Variants in ABCB11 observed in about 807,000 individuals in gnomAD.
ABCB11 encodes the protein bile salt export pump.
In ABCB11, 95 loss-of-function variants were observed where a neutral mutation model predicts 148.0. The observed-to-expected ratio is 0.64, with a 90% CI of 0.54 to 0.76. The LOEUF is 0.76. Among genes scored for constraint, ABCB11 ranks in the 30% least tolerant of loss-of-function variants. The pLI is 0.00. For missense variants in ABCB11, 1,523 were observed against 1,617.8 expected (o/e 0.94, Z 1.01); for synonymous variants, 591 against 555.4 (o/e 1.06, Z -0.90).
chr2:168,943,642 C>G (rs1286650478), intron 21 of ABCB11, among the ~76,000 whole-genome samples: 1 of 151,958 alleles, frequency 6.6e-6, no homozygotes, highest in Non-Finnish European at 1.5e-5. Flanking sequence ...CAGAAAAAGC[C>G]TAGATGAATT....
chr2:169,006,728 T>C (rs1695030291), intron 5 of ABCB11, among the ~76,000 whole-genome samples: 1 of 151,986 alleles, frequency 6.6e-6, no homozygotes, highest in African/African-American at 2.4e-5. Flanking sequence ...AAAAGATCAA[T>C]ATACAAAAAA....
intron 5 of ABCB11, among the ~76,000 whole-genome samples, chr2:169,010,436 C>T (rs551465350): frequency 6.6e-6 from 1 of 152,176 alleles, no homozygotes; most frequent in East Asian, 1.9e-4. Context: ...AAAATTCCAT[C>T]TACTAGATTA....
At chr2:168,980,004 T>G in intron 10 of ABCB11, 25 bp from the exon 11 acceptor site, 1 of 1,438,900 alleles carries the variant, frequency 6.9e-7, no homozygotes, top group Non-Finnish European at 9.8e-7. Flanking sequence ...GAGAGATTTT[T>G]CATGTGTTTT....
intron 5 of ABCB11, among the ~76,000 whole-genome samples, chr2:169,008,464 T>A (rs556064445): frequency 6.6e-6 from 1 of 152,172 alleles, no homozygotes; most frequent in Non-Finnish European, 1.5e-5. Context: ...CATGACTGCA[T>A]TTAGGGCCCA....
chr2:168,920,168 A>T (rs1691032590), downstream of ABCB11, among the ~76,000 whole-genome samples: 1 of 152,188 alleles, frequency 6.6e-6, no homozygotes, highest in Non-Finnish European at 1.5e-5. Flanking sequence ...GCCCAGTCAC[A>T]TGATTATAAT....
intron 19 of ABCB11, among the ~76,000 whole-genome samples, chr2:168,953,959 T>A (rs1692676892): frequency 6.6e-6 from 1 of 151,676 alleles, no homozygotes; most frequent in African/African-American, 2.4e-5. Flanking sequence ...ACCTTACATA[T>A]GTTGATTGAT....
chr2:169,014,281 T>C, intron 4 of ABCB11, 22 bp downstream of exon 4: 4 of 1,609,204 alleles, frequency 2.5e-6, no homozygotes, highest in Non-Finnish European at 2.6e-6. Context: ...CCCACTGCCA[T>C]AAATCAACAC....
In ABCB11 at chr2:168,921,773, A is replaced by G. The variant is rs570495577; in HGVS notation, c.*1849T>C. ...TGATCGAGTGGGTGCTTGTTGGTTGACAGGTGGGCTTCATAGAAGGGTAAT... is the reference window on the plus strand; with the variant it reads ...TGATCGAGTGGGTGCTTGTTGGTTGGCAGGTGGGCTTCATAGAAGGGTAAT... On this transcript the variant is annotated 3_prime_UTR_variant, in exon 28 of 28. Transcript: ENST00000650372. Among the ~76,000 whole-genome samples, 10 of 151,858 alleles carry G rather than the reference A, an allele frequency of 6.6e-5. No homozygotes were observed. The Middle Eastern group carries it at 0.01, about 158-fold the overall frequency.
At chr2:168,940,725 T>C (rs1440532108) in intron 21 of ABCB11, among the ~76,000 whole-genome samples, 1 of 152,054 alleles carries the variant, frequency 6.6e-6, no homozygotes, top group Non-Finnish European at 1.5e-5. Flanking sequence ...GACTTTCATA[T>C]CTAGAGAGGA....
rs573752059 is a variant in ABCB11 at position 168,939,361 on chromosome 2, CT to C, written c.2611-2929del. Among the ~76,000 whole-genome samples the C allele has an allele frequency of 3.1e-3, 472 of 152,140 alleles. 1 individual carries two copies. Among genetic ancestry groups the C allele is most frequent in the African/African-American group, 0.01 (436 of 41,542 alleles). On this transcript the variant is annotated intron_variant, in intron 21 of 27. Transcript: ENST00000650372. ...CAAAACATTTGCTTACTATTATTTACTATTACTCTCCAAAAAACATTGAAAA... is the reference window on the plus strand; with the variant it reads ...CAAAACATTTGCTTACTATTATTTACATTACTCTCCAAAAAACATTGAAAA...
chr2:168,942,093 A>G, intron 21 of ABCB11, among the ~76,000 whole-genome samples: 1 of 151,994 alleles, frequency 6.6e-6, no homozygotes, highest in East Asian at 1.9e-4. Context: ...AGAGCTTGGA[A>G]AGTCCTTAAG....
rs1050923851 is a variant in ABCB11, at chr2:168,985,840, A to C, written c.1083+270T>G. ...GGATAAAAGACCAGAGCTTGGATTC[A>C]GTGTATACTGCTTGGGTGATGGGTG... On this transcript the variant is annotated intron_variant, in intron 10 of 27. Transcript: ENST00000650372. Among the ~76,000 whole-genome samples the C allele has an allele frequency of 1.5e-4, 23 of 152,224 alleles. 1 individual carries two copies. Among genetic ancestry groups the C allele is most frequent in the Admixed American group, 8.5e-4 (13 of 15,252 alleles).
chr2:168,932,570 G>A, intron 23 of ABCB11, 37 bp from the exon 24 acceptor site: 1 of 1,604,492 alleles, frequency 6.2e-7, no homozygotes, highest in Non-Finnish European at 8.5e-7. Flanking sequence ...AGAGCAGGGT[G>A]GCGTGGTTGG....
At chr2:169,027,876 A>ATTGATCCC in intron 1 of ABCB11, among the ~76,000 whole-genome samples, 1 of 152,246 alleles carries the variant, frequency 6.6e-6, no homozygotes, top group South Asian at 2.1e-4. Flanking sequence ...CAATACTAGC[A>ATTGATCCC]ATTGGCTATT....
intron 18 of ABCB11, 32 bp downstream of exon 18, chr2:168,964,174 C>G: frequency 6.7e-7 from 1 of 1,494,910 alleles, no homozygotes; most frequent in Non-Finnish European, 9.1e-7. Flanking sequence ...GAGACTTCTT[C>G]CATTCCCCCC....
In ABCB11 at chr2:169,020,406, G is replaced by T. The variant is rs1354009889; in HGVS notation, c.-27-2254C>A. 4.0e-5 allele frequency among the ~76,000 whole-genome samples: 6 copies of T among 151,274 alleles called. No homozygotes were observed. The South Asian group carries it at 1.3e-3, about 32-fold the overall frequency. On this transcript the variant is annotated intron_variant, in intron 1 of 27. Coordinates refer to ENST00000650372, the MANE Select transcript of ABCB11 (RefSeq NM_003742.4). ...AATCTATAGTTTCTAAATAAGCAAA[G>T]GATTAAAAACTAAGTATGTAGAAAA...
At chr2:168,940,325 T>C (rs1187168415) in intron 21 of ABCB11, among the ~76,000 whole-genome samples, 1 of 152,136 alleles carries the variant, frequency 6.6e-6, no homozygotes, top group Non-Finnish European at 1.5e-5. Flanking sequence ...TTAAAAGTGC[T>C]ATTCTAGTGA....
chr2:168,933,768 G>A (rs1172238840), intron 23 of ABCB11, among the ~76,000 whole-genome samples: 1 of 152,070 alleles, frequency 6.6e-6, no homozygotes, highest in Non-Finnish European at 1.5e-5. Context: ...GTTTTGAGAT[G>A]GAGTCTCACT....
intron 25 of ABCB11, among the ~76,000 whole-genome samples, chr2:168,927,935 A>G (rs1358785531): frequency 6.6e-6 from 1 of 152,210 alleles, no homozygotes; most frequent in African/African-American, 2.4e-5. Context: ...CTACGTAAAG[A>G]AAATATAATC....
Sources: allele counts gnomAD v4.1 joint callset (sites outside exome capture counted in the v4.1 genomes callset), GRCh38; gene constraint gnomAD v4.1.1; transcripts MANE v1.5; gene names NCBI Gene and HGNC (gene_info 2026-07-23, HGNC 2026-07-21).